LRRK2: variants seen among roughly 807,000 people sequenced by gnomAD.
LRRK2 encodes leucine rich repeat kinase 2.
In LRRK2, 203 loss-of-function variants were observed where a neutral mutation model predicts 302.6. The observed-to-expected ratio is 0.67, with a 90% confidence interval of 0.60 to 0.75. The LOEUF is 0.75. Ranked by LOEUF, LRRK2 falls within the 30% of genes least tolerant of loss-of-function variation. LRRK2 has a pLI of 0.00. For synonymous variants in LRRK2, 1,066 were observed against 1,031.9 expected, an observed-to-expected ratio of 1.03 and a Z score of -0.63; for missense variants, 2,830 against 2,951.0, an observed-to-expected ratio of 0.96 and a Z score of 0.95.
At chr12:40,243,414 A>G in intron 6 of LRRK2, 136 bp from the exon 7 acceptor site, 1 of 915,484 alleles carries the variant, frequency 1.1e-6, no homozygotes, top group Non-Finnish European at 1.7e-6. Context: ...AGCTACTTAA[A>G]GAACATGATG....
chr12:40,350,207 C>T (rs1432519172), intron 43 of LRRK2, among the ~76,000 whole-genome samples: 4 of 152,214 alleles, frequency 2.6e-5, no homozygotes, highest in Non-Finnish European at 5.9e-5. Context: ...TTTACTAAGA[C>T]TGTCTATCTT....
At chr12:40,344,779 A>G (rs1163572573) in intron 41 of LRRK2, among the ~76,000 whole-genome samples, 3 of 152,284 alleles carry the variant, frequency 2.0e-5, no homozygotes, top group African/African-American at 7.2e-5. Flanking sequence ...AAATGCCCTT[A>G]TTCTAAGGAA....
chr12:40,261,915 T>C (rs1942793351), intron 13 of LRRK2, among the ~76,000 whole-genome samples: 1 of 152,190 alleles, frequency 6.6e-6, no homozygotes, highest in Non-Finnish European at 1.5e-5. Flanking sequence ...CTCTTCTACT[T>C]TATAATAACT....
Position 40,252,326 on chromosome 12 carries a change from G to A in LRRK2, c.1182-584G>A, listed in dbSNP as rs75382691. Reference sequence around the variant, plus strand: ...TAAGAAGGGAATTAATAACACAGATGCTACTTAATTAAATATTTTCATTTT... The same window carrying A: ...TAAGAAGGGAATTAATAACACAGATACTACTTAATTAAATATTTTCATTTT... On this transcript the variant is annotated intron_variant, in intron 10 of 50. Coordinates refer to ENST00000298910, the MANE Select transcript of LRRK2 (RefSeq NM_198578.4). 3.1e-3 allele frequency among the ~76,000 whole-genome samples: 473 copies of A among 152,234 alleles called. 9 individuals are homozygous for A. Among genetic ancestry groups the A allele is most frequent in the East Asian group, 0.028 (146 of 5,192 alleles).
In LRRK2 at chr12:40,225,559, C is replaced by G; in HGVS notation, c.156C>G (p.Ser52=). 6.2e-7 allele frequency: 1 copy of G among 1,613,862 alleles called. No individual in the cohort carries two copies. The highest frequency in any genetic ancestry group is 8.5e-7 in the Non-Finnish European group (1 of 1,179,768). Residue 52 remains serine, a synonymous_variant, in exon 2 of 51, where the codon TCC becomes TCG. Transcript: ENST00000298910. ...CCCCACCCACTTGTTTTCCAGCCTCCAAGTTATTTCAAGGCAAAAATATCC... is the reference window on the plus strand; with the variant it reads ...CCCCACCCACTTGTTTTCCAGCCTCGAAGTTATTTCAAGGCAAAAATATCC... ...LLVFTYSERA[S]KLFQGKNIHV...
intron 14 of LRRK2, among the ~76,000 whole-genome samples, chr12:40,268,997 G>T (rs974796385): frequency 6.6e-6 from 1 of 152,142 alleles, no homozygotes; most frequent in African/African-American, 2.4e-5. Context: ...AGATGGATGA[G>T]ATTTAAAGTC....
chr12:40,329,932 C>T (rs1945666411), intron 39 of LRRK2, among the ~76,000 whole-genome samples: 1 of 152,142 alleles, frequency 6.6e-6, no homozygotes, highest in South Asian at 2.1e-4. Context: ...TATATATTTT[C>T]ATCATGACTT....
chr12:40,305,448 C>T (rs563193199), intron 27 of LRRK2, among the ~76,000 whole-genome samples: 2 of 152,208 alleles, frequency 1.3e-5, no homozygotes, highest in South Asian at 4.1e-4. Context: ...AATGAAGTCA[C>T]AGATAATGGA....
intron 41 of LRRK2, among the ~76,000 whole-genome samples, chr12:40,346,149 C>T (rs1946185861): frequency 6.6e-6 from 1 of 151,612 alleles, no homozygotes; most frequent in Non-Finnish European, 1.5e-5. Flanking sequence ...ATTTATTTCC[C>T]CTTAAAAGAA....
At chr12:40,248,648 T>A (rs893290017) in intron 7 of LRRK2, among the ~76,000 whole-genome samples, 7 of 152,346 alleles carry the variant, frequency 4.6e-5, no homozygotes, top group African/African-American at 1.7e-4. Context: ...AACTATGTAA[T>A]CTAATTATGG....
intron 13 of LRRK2, among the ~76,000 whole-genome samples, chr12:40,261,101 C>G (rs1408822612): frequency 6.6e-6 from 1 of 151,920 alleles, no homozygotes; most frequent in Non-Finnish European, 1.5e-5. Context: ...ATCATGGTGT[C>G]CTATTCATAG....
intron 49 of LRRK2, 87 bp from the exon 50 acceptor site, chr12:40,366,919 C>T (rs1946895856): frequency 7.3e-6 from 7 of 962,016 alleles, no homozygotes; most frequent in East Asian, 2.6e-5. Flanking sequence ...GTATTTGTGT[C>T]TTAAACTATG....
chr12:40,246,658 G>A (rs1376671333), intron 7 of LRRK2, among the ~76,000 whole-genome samples: 2 of 152,084 alleles, frequency 1.3e-5, no homozygotes, highest in African/African-American at 4.8e-5. Flanking sequence ...TTAAATTAAA[G>A]ATGCTCTTTC....
Position 40,322,101 on chromosome 12 carries a change from C to T in LRRK2, c.5237C>T (p.Ala1746Val), listed in dbSNP as rs1185820873. Reference protein sequence around the residue: ...QGIYLNWSPEAYCLVGSEVLD... With the variant: ...QGIYLNWSPEVYCLVGSEVLD... The stretch of plus-strand genomic sequence containing the variant: ...ATTTACTTAAATTGGTCTCCTGAAG[C>T]TTATTGTCTGGTAGGATCTGAAGTC... The change falls in exon 36 of 51, where the codon GCT (alanine) becomes GTT (valine). Residue 1746 changes from alanine (A) to valine (V), a missense_variant. Physicochemically the swap from Ala to Val is moderately conservative, Grantham distance 64 (BLOSUM62 0). This residue lies in a region of LRRK2 where 2,121 missense variants were observed against 2,148.0 expected (regional missense o/e 0.99). Transcript: ENST00000298910. 2 of 1,613,232 alleles carry T rather than the reference C, an allele frequency of 1.2e-6. No homozygotes were observed. Among genetic ancestry groups the T allele is most frequent in the East Asian group, 2.2e-5 (1 of 44,860 alleles).
At chr12:40,345,665 T>G (rs1230540250) in intron 41 of LRRK2, among the ~76,000 whole-genome samples, 1 of 136,446 alleles carries the variant, frequency 7.3e-6, no homozygotes, top group Non-Finnish European at 1.6e-5. Context: ...AGTAGTACAA[T>G]ATACATTCAT....
chr12:40,319,169 A>C (rs1161017100), intron 33 of LRRK2, among the ~76,000 whole-genome samples: 1 of 152,156 alleles, frequency 6.6e-6, no homozygotes, highest in Non-Finnish European at 1.5e-5. Flanking sequence ...ATATATAGAT[A>C]AATATGCTAA....
At chr12:40,319,670 A>G (rs1945337982) in intron 33 of LRRK2, among the ~76,000 whole-genome samples, 1 of 152,122 alleles carries the variant, frequency 6.6e-6, no homozygotes, top group Non-Finnish European at 1.5e-5. Context: ...ATGAGACTGC[A>G]AAACAGATGT....
intron 14 of LRRK2, among the ~76,000 whole-genome samples, chr12:40,271,629 A>G (rs1348653906): frequency 6.6e-6 from 1 of 152,210 alleles, no homozygotes; most frequent in East Asian, 1.9e-4. Context: ...AAGATGGAGC[A>G]TTAGATAACT....
At chr12:40,353,000 C>T (rs868564771) in intron 44 of LRRK2, among the ~76,000 whole-genome samples, 8 of 152,130 alleles carry the variant, frequency 5.3e-5, no homozygotes, top group Non-Finnish European at 1.0e-4. Context: ...GGGTGGCAGC[C>T]GGGCAGAGGG....
Sources: allele counts gnomAD v4.1 joint callset (sites outside exome capture counted in the v4.1 genomes callset), GRCh38; gene constraint gnomAD v4.1.1; regional missense constraint gnomAD v4.1.1; transcripts MANE v1.5; gene names NCBI Gene and HGNC (gene_info 2026-07-23, HGNC 2026-07-21).